Variants in PCSK4 observed in about 807,000 individuals in gnomAD.
PCSK4 encodes testicular tissue protein Li 135.
In PCSK4, 64 loss-of-function variants were observed where a neutral mutation model predicts 80.3. The ratio of observed to expected loss-of-function variants is 0.80; its 90% confidence interval spans 0.65 to 0.98. The LOEUF (loss-of-function observed/expected upper bound fraction) is 0.98, where lower values mean the gene tolerates loss of function less well. Among genes scored for constraint, PCSK4 ranks in the 50% least tolerant of loss-of-function variants. The pLI is 0.00. For missense variants in PCSK4, 1,213 were observed against 1,093.6 expected (o/e 1.11, Z -1.54); for synonymous variants, 561 against 487.6 (o/e 1.15, Z -1.98).
intron 2 of PCSK4, among the ~76,000 whole-genome samples, chr19:1,489,265 G>A (rs919354374): frequency 6.6e-6 from 1 of 151,852 alleles, no homozygotes; most frequent in African/African-American, 2.4e-5. Context: ...CTGAATAGCT[G>A]GGACTACAGG....
At chr19:1,487,851 G>C (rs771336938) in exon 5 of PCSK4, 3 of 1,547,922 alleles carry the variant, frequency 1.9e-6, no homozygotes. Context: ...GTCATAGCTG[G>C]CCAGGGGGTC....
exon 10 of PCSK4, chr19:1,483,939 G>C: frequency 4.8e-6 from 7 of 1,443,350 alleles, no homozygotes; most frequent in South Asian, 1.4e-5. Flanking sequence ...CGTCAGGAAC[G>C]GGCTGCGGGG....
chr19:1,481,992 G>A lies in PCSK4; in HGVS notation c.2035C>T (p.Gln679Ter). 1.3e-6 allele frequency: 2 copies of A among 1,591,788 alleles called. No homozygotes were observed. The highest frequency in any genetic ancestry group is 2.3e-5 in the East Asian group (1 of 44,108). ...GTGGGTCCCATGCAGGAGCCCTGCT[G>A]CTGGTCCAGCGTGGAGGATGGGGGA... The change falls in exon 15 of 15, where the codon CAG (glutamine) becomes TAG (stop). Residue 679 changes from glutamine to a stop codon, truncating the protein, a stop_gained. Coordinates refer to ENST00000300954, the Ensembl canonical transcript of PCSK4. LOFTEE classifies it low-confidence loss of function (END_TRUNC).
At chr19:1,482,511 G>A in intron 13 of PCSK4, 36 bp from the exon 14 acceptor site, 1 of 1,580,414 alleles carries the variant, frequency 6.3e-7, no homozygotes, top group East Asian at 2.2e-5. Flanking sequence ...AGGAGGAAAA[G>A]GAGGCTCTCG....
chr19:1,488,206 G>A (rs1380544028), exon 3 of PCSK4: 1 of 1,613,468 alleles, frequency 6.2e-7, no homozygotes, highest in Non-Finnish European at 8.5e-7. Context: ...ACTGCTTGGA[G>A]AACCAGGGGT....
rs200520395 is a variant in PCSK4, at chr19:1,488,086, C to T, written c.394G>A (p.Glu132Lys). 264 of 1,612,874 alleles carry T rather than the reference C, an allele frequency of 1.6e-4. No individual in the cohort carries two copies. Among genetic ancestry groups the T allele is most frequent in the Non-Finnish European group, 2.1e-4 (251 of 1,179,836 alleles). Reference sequence around the variant, plus strand: ...AGGATGCTCAGGTCTGGTTGGGCCTCGCTGTTCTGCAGGGGGAGGCGGGGT... The same window carrying T: ...AGGATGCTCAGGTCTGGTTGGGCCTTGCTGTTCTGCAGGGGGAGGCGGGGT... Residue 132 changes from glutamate (E) to lysine (K), a missense_variant, in exon 4 of 15, where the codon GAG becomes AAG. Coordinates refer to ENST00000300954, the Ensembl canonical transcript of PCSK4.
intron 7 of PCSK4, 24 bp downstream of exon 7, chr19:1,487,117 T>A: frequency 6.2e-7 from 1 of 1,602,448 alleles, no homozygotes; most frequent in Non-Finnish European, 8.5e-7. Flanking sequence ...CTGCCACCCC[T>A]GCCCTCCTCG....
chr19:1,490,139 C>G lies in PCSK4; in HGVS notation c.189+19G>C, dbSNP rs541705392. On this transcript the variant is annotated intron_variant, in intron 1 of 14. Coordinates refer to ENST00000300954, the Ensembl canonical transcript of PCSK4. ...TCCCCTCCAAGCCCCCACTTCCCGT[C>G]TATCCCGGTCCCACCCACCGGCCCC... 1.2e-6 allele frequency: 2 copies of G among 1,613,116 alleles called. No homozygotes were observed. Among genetic ancestry groups the G allele is most frequent in the African/African-American group, 2.7e-5 (2 of 75,052 alleles).
At chr19:1,483,138 G>A (rs896910168) in intron 12 of PCSK4, 118 bp from the exon 13 acceptor site, 8 of 1,249,182 alleles carry the variant, frequency 6.4e-6, no homozygotes, top group Admixed American at 2.6e-5. Context: ...TCTGGGTGTG[G>A]GTGAGGGTGT....
In PCSK4 at chr19:1,487,128, G is replaced by A. The variant is rs2084666043; in HGVS notation, c.855+13C>T. On this transcript the variant is annotated intron_variant, in intron 7 of 14. Coordinates refer to ENST00000300954, the Ensembl canonical transcript of PCSK4. ...TGGCCTGCCACCCCTGCCCTCCTCGGGCTGCCACTCACCTTGGTCACACCA... is the reference window on the plus strand; with the variant it reads ...TGGCCTGCCACCCCTGCCCTCCTCGAGCTGCCACTCACCTTGGTCACACCA... The A allele has an allele frequency of 1.2e-6, 2 of 1,603,186 alleles. No homozygotes were observed. The highest frequency in any genetic ancestry group is 8.5e-7 in the Non-Finnish European group (1 of 1,177,586).
In PCSK4 at chr19:1,486,982, G is replaced by A. The variant is rs2084653618; in HGVS notation, c.939C>T (p.Tyr313=). The change falls in exon 8 of 15, where the codon TAC becomes TAT. Residue 313 remains tyrosine (Y), a synonymous_variant. Coordinates refer to ENST00000300954, the Ensembl canonical transcript of PCSK4. ...CGGAAAGCGTGTGGATGCTGTTGGT[G>A]TAGCCGTCGCAGTTGCAGTTGTCGT... The A allele has an allele frequency of 1.9e-6, 3 of 1,609,710 alleles. No homozygotes were observed. In the South Asian group the frequency reaches 3.3e-5, roughly 18 times the overall value.
chr19:1,481,851 C>T (rs777555706), exon 15 of PCSK4: 15 of 1,574,256 alleles, frequency 9.5e-6, no homozygotes, highest in East Asian at 4.5e-5. Flanking sequence ...ATGGACATGC[C>T]GCAGAGGACG....
At chr19:1,481,716 A>G (rs1417765989) in exon 15 of PCSK4, 2 of 1,356,108 alleles carry the variant, frequency 1.5e-6, no homozygotes, top group African/African-American at 1.5e-5. Context: ...AGTGCCTGTC[A>G]GGGACCCAGG....
Position 1,487,183 on chromosome 19 carries a change from G to C in PCSK4, c.813C>G (p.Pro271=). The change falls in exon 7 of 15, where the codon CCC becomes CCG. Residue 271 remains proline (P), a synonymous_variant. Coordinates refer to ENST00000300954, the Ensembl canonical transcript of PCSK4. ...GGAAGGCCTCGCGGGTGAGGATGCC[G>C]GGGCCGTCCACCGTGCGGCCGTCGT... 1.9e-6 allele frequency: 3 copies of C among 1,607,602 alleles called. No homozygotes were observed. The East Asian group carries it at 6.7e-5, about 36-fold the overall frequency.
Position 1,487,867 on chromosome 19 carries a change from G to T in PCSK4, c.517-6C>A. On this transcript the variant is annotated splice_region_variant and splice_polypyrimidine_tract_variant and intron_variant, in intron 4 of 14. Transcript: ENST00000300954. Reference sequence around the variant, plus strand: ...TCATAGCTGGCCAGGGGGTCCTGGGGGCAGGTGGGGATATGAGGGGGCCGG... The same window carrying T: ...TCATAGCTGGCCAGGGGGTCCTGGGTGCAGGTGGGGATATGAGGGGGCCGG... 1 of 1,548,124 alleles carries T rather than the reference G, an allele frequency of 6.5e-7. No individual in the cohort carries two copies. The highest frequency in any genetic ancestry group is 8.8e-7 in the Non-Finnish European group (1 of 1,141,626).
intron 9 of PCSK4, 23 bp from the exon 10 acceptor site, chr19:1,483,964 C>T: frequency 1.6e-6 from 2 of 1,226,780 alleles, no homozygotes; most frequent in Non-Finnish European, 2.2e-6. Context: ...GGGGCGGGGG[C>T]GGGTGAGCCG....
Position 1,482,152 on chromosome 19 carries a change from CG to C in PCSK4, c.1874del (p.Pro625ArgfsTer10). 6.4e-7 allele frequency: 1 copy of C among 1,559,562 alleles called. No homozygotes were observed. Among genetic ancestry groups the C allele is most frequent in the Non-Finnish European group, 8.6e-7 (1 of 1,160,690 alleles). On this transcript the variant is annotated frameshift_variant, in exon 15 of 15. Transcript: ENST00000300954. LOFTEE classifies it low-confidence loss of function (END_TRUNC). ...CCAGCCTTGTGTGGTTGAAGAACCGCGGGGGGCAGTAGGCCAGGCAGAGCTG... is the reference window on the plus strand; with the variant it reads ...CCAGCCTTGTGTGGTTGAAGAACCGCGGGGGCAGTAGGCCAGGCAGAGCTG...
exon 15 of PCSK4, chr19:1,481,985 C>T (rs1372992485): frequency 1.3e-6 from 2 of 1,594,712 alleles, no homozygotes; most frequent in East Asian, 2.3e-5. Flanking sequence ...CATGCAGGAG[C>T]CCTGCTGCTG....
chr19:1,486,604 T>C (rs1402126875), intron 8 of PCSK4, among the ~76,000 whole-genome samples: 2 of 151,458 alleles, frequency 1.3e-5, no homozygotes, highest in Admixed American at 1.3e-4. Flanking sequence ...CCTTTTTTTT[T>C]TGTAGTTTTA....
Sources: allele counts gnomAD v4.1 joint callset (sites outside exome capture counted in the v4.1 genomes callset), GRCh38; gene constraint gnomAD v4.1.1; transcripts MANE v1.5; gene names NCBI Gene and HGNC (gene_info 2026-07-23, HGNC 2026-07-21).